Variants in CASR observed in about 807,000 individuals in gnomAD.
CASR encodes the protein extracellular calcium-sensing receptor.
In CASR, 23 loss-of-function variants were observed where a neutral mutation model predicts 69.1. The observed-to-expected ratio is 0.33, with a 90% CI of 0.24 to 0.47. The LOEUF is 0.47. CASR is among the 20% of genes least tolerant of loss of function. CASR has a pLI of 1.00. For synonymous variants in CASR, 541 were observed against 544.7 expected, an observed-to-expected ratio of 0.99 and a Z score of 0.10; for missense variants, 924 against 1,356.1, an observed-to-expected ratio of 0.68 and a Z score of 5.00.
At chr3:122,266,063 T>A (rs2074690299) in intron 4 of CASR, among the ~76,000 whole-genome samples, 1 of 152,134 alleles carries the variant, frequency 6.6e-6, no homozygotes, top group Non-Finnish European at 1.5e-5. Context: ...GTTCATTATC[T>A]GTGTGACCTG....
intron 1 of CASR, among the ~76,000 whole-genome samples, chr3:122,223,049 C>T (rs1482544742): frequency 6.6e-6 from 1 of 152,116 alleles, no homozygotes; most frequent in African/African-American, 2.4e-5. Context: ...ATACCAGAAT[C>T]TTTGGGACAC....
intron 3 of CASR, among the ~76,000 whole-genome samples, chr3:122,258,913 G>A: frequency 6.6e-6 from 1 of 152,126 alleles, no homozygotes; most frequent in Non-Finnish European, 1.5e-5. Flanking sequence ...CTAATGTGCA[G>A]CTGGGCTGGG....
chr3:122,253,227 T>C (rs2074516848), intron 1 of CASR, among the ~76,000 whole-genome samples: 1 of 152,228 alleles, frequency 6.6e-6, no homozygotes, highest in Admixed American at 6.5e-5. Context: ...AGCTTAAATA[T>C]GACTCATTCT....
intron 1 of CASR, among the ~76,000 whole-genome samples, chr3:122,201,207 C>A (rs188163894): frequency 1.3e-5 from 2 of 152,048 alleles, no homozygotes; most frequent in Non-Finnish European, 2.9e-5. Flanking sequence ...CGACTCCCAA[C>A]GAGCATGTTG....
At chr3:122,251,514 A>G (rs1328062838) in intron 1 of CASR, among the ~76,000 whole-genome samples, 1 of 152,238 alleles carries the variant, frequency 6.6e-6, no homozygotes, top group Non-Finnish European at 1.5e-5. Flanking sequence ...CCGAAGGCCT[A>G]CAGTTCACCC....
chr3:122,245,546 A>G (rs2074419501), intron 1 of CASR: 2 of 152,262 alleles, frequency 1.3e-5, no homozygotes, highest in South Asian at 4.1e-4. Context: ...GTTGAGGATA[A>G]TGGCTTCTTT....
chr3:122,227,956 C>T (rs1375509492), intron 1 of CASR, among the ~76,000 whole-genome samples: 1 of 143,256 alleles, frequency 7.0e-6, no homozygotes, highest in Non-Finnish European at 1.5e-5. Flanking sequence ...TAAATGACTG[C>T]TCATGTCAGT....
intron 1 of CASR, among the ~76,000 whole-genome samples, chr3:122,233,991 T>C (rs891579046): frequency 1.3e-5 from 2 of 152,194 alleles, no homozygotes; most frequent in Non-Finnish European, 2.9e-5. Flanking sequence ...GTGACCTCTA[T>C]CTCTGGACAC....
rs2074621075 is a variant in CASR, at chr3:122,261,522, C to T, written c.493-6C>T. ...ACTCATTCACCATGTTCTTGGTTCT[C>T]TCCAGGTCAGTTATGCCTCCTCCAG... On this transcript the variant is annotated splice_polypyrimidine_tract_variant and splice_region_variant and intron_variant, in intron 3 of 6. Coordinates refer to ENST00000639785, the MANE Select transcript of CASR (RefSeq NM_000388.4). 6.2e-7 allele frequency: 1 copy of T among 1,613,854 alleles called. No homozygotes were observed. Among genetic ancestry groups the T allele is most frequent in the African/African-American group, 1.3e-5 (1 of 74,942 alleles).
At chr3:122,225,337 T>A (rs1385623426) in intron 1 of CASR, among the ~76,000 whole-genome samples, 1 of 149,992 alleles carries the variant, frequency 6.7e-6, no homozygotes, top group African/African-American at 2.5e-5. Context: ...AAAGGTCTAA[T>A]ATCCAGAATT....
At chr3:122,263,875 T>A (rs938583849) in intron 4 of CASR, among the ~76,000 whole-genome samples, 4 of 152,060 alleles carry the variant, frequency 2.6e-5, no homozygotes, top group Non-Finnish European at 5.9e-5. Context: ...GGGTTTTAAG[T>A]AGGAGGAGTA....
chr3:122,255,815 A>C (rs1261187544), intron 2 of CASR, among the ~76,000 whole-genome samples: 1 of 152,254 alleles, frequency 6.6e-6, no homozygotes, highest in African/African-American at 2.4e-5. Context: ...CCAAGAGCTT[A>C]GGGAACCTAA....
intron 1 of CASR, among the ~76,000 whole-genome samples, chr3:122,252,459 G>GAAAGAAAGAAGGAAAGAAAAAAAAGAA (rs1559954451): frequency 1.6e-5 from 1 of 62,288 alleles, no homozygotes; most frequent in Non-Finnish European, 3.1e-5. Context: ...AAAAAGAAAA[G>GAAAGAAAGAAGGAAAGAAAAAAAAGAA]AAAGAAAAGA....
chr3:122,198,235 T>A (rs2073908895), intron 1 of CASR, among the ~76,000 whole-genome samples: 1 of 152,196 alleles, frequency 6.6e-6, no homozygotes, highest in African/African-American at 2.4e-5. Context: ...CCTCTCAGAA[T>A]AAATGCTGAG....
intron 1 of CASR, among the ~76,000 whole-genome samples, chr3:122,249,652 A>ATG (rs1310056322): frequency 3.3e-5 from 5 of 152,230 alleles, no homozygotes; most frequent in African/African-American, 1.2e-4. Flanking sequence ...TTCTTCCAAG[A>ATG]TGTATCTGCC....
At position 122,274,483 on chromosome 3, in the gene CASR, G is replaced by A. The variant is rs530573069; in HGVS notation, c.1378-1329G>A. On this transcript the variant is annotated intron_variant, in intron 4 of 6. Transcript: ENST00000639785. ...CAGGAGAGGTACTGGCTCAGTCCAC[G>A]TGTTTGTCACACATATCAGAATAAT... 5.9e-5 allele frequency among the ~76,000 whole-genome samples: 9 copies of A among 152,328 alleles called. No individual in the cohort carries two copies. The South Asian group carries it at 1.2e-3, about 21-fold the overall frequency.
At chr3:122,224,379 G>T (rs1412402804) in intron 1 of CASR, among the ~76,000 whole-genome samples, 1 of 152,236 alleles carries the variant, frequency 6.6e-6, no homozygotes, top group South Asian at 2.1e-4. Context: ...AAATTCAGTA[G>T]CATTACTATA....
Position 122,242,194 on chromosome 3 carries a change from GAGAA to G in CASR, c.-242-11743_-242-11740del, listed in dbSNP as rs1224073349. On this transcript the variant is annotated intron_variant, in intron 1 of 6. Coordinates refer to ENST00000639785, the MANE Select transcript of CASR (RefSeq NM_000388.4). Reference sequence around the variant, plus strand: ...GTTCCTAGCTAGAGCAATCAGACAAGAGAAAGAAAGAAAGGTCATCCACATTAGA... The same window carrying G: ...GTTCCTAGCTAGAGCAATCAGACAAGAGAAAGAAAGGTCATCCACATTAGA... Among the ~76,000 whole-genome samples the G allele has an allele frequency of 4.6e-5, 7 of 151,970 alleles. 1 individual carries two copies. Among genetic ancestry groups the G allele is most frequent in the African/African-American group, 1.7e-4 (7 of 41,384 alleles).
At chr3:122,223,259 A>T (rs2074189521) in intron 1 of CASR, among the ~76,000 whole-genome samples, 1 of 152,166 alleles carries the variant, frequency 6.6e-6, no homozygotes, top group African/African-American at 2.4e-5. Context: ...AAATCCAGAC[A>T]AAAGCTGGTT....
Sources: gnomAD v4.1 joint callset for allele counts (sites outside exome capture counted in the v4.1 genomes callset) on GRCh38, gnomAD v4.1.1 for gene constraint, MANE v1.5 for transcripts, NCBI Gene and HGNC (gene_info 2026-07-23, HGNC 2026-07-21) for gene names.